MSRA: variants seen among roughly 807,000 people sequenced by gnomAD.
MSRA encodes mitochondrial peptide methionine sulfoxide reductase.
In MSRA, 54 loss-of-function variants were observed where a neutral mutation model predicts 31.3. That is an observed-to-expected ratio of 1.73 (90% CI 1.39 to 2.17). MSRA has a LOEUF of 2.17. Among genes scored for constraint, MSRA ranks in the 30% most tolerant of loss-of-function variants. The pLI is 0.00. For missense variants in MSRA, 507 were observed against 300.9 expected (o/e 1.69, Z -5.07); for synonymous variants, 169 against 116.5 (o/e 1.45, Z -2.90).
intron 1 of MSRA, among the ~76,000 whole-genome samples, chr8:10,135,326 A>G (rs188884977): frequency 5.8e-4 from 89 of 152,304 alleles, no homozygotes; most frequent in Non-Finnish European, 1.5e-4. Flanking sequence ...CTAAATCTCT[A>G]AGGTGACAAA....
chr8:10,065,141 G>A (rs1797394979), intron 1 of MSRA, among the ~76,000 whole-genome samples: 1 of 152,086 alleles, frequency 6.6e-6, no homozygotes, highest in Non-Finnish European at 1.5e-5. Context: ...TGGGGTGTCT[G>A]GCTTACCATT....
chr8:10,229,028 C>G (rs1432951564), intron 2 of MSRA, among the ~76,000 whole-genome samples: 2 of 152,164 alleles, frequency 1.3e-5, no homozygotes, highest in Admixed American at 6.5e-5. Context: ...GATCTTGATT[C>G]TCTTTATCAT....
intron 1 of MSRA, among the ~76,000 whole-genome samples, chr8:10,169,047 C>T (rs992620465): frequency 1.3e-5 from 2 of 152,156 alleles, no homozygotes; most frequent in African/African-American, 2.4e-5. Context: ...ATGATTTTCC[C>T]CATAACCTTC....
intron 1 of MSRA, among the ~76,000 whole-genome samples, chr8:10,166,013 C>T (rs1007650664): frequency 1.2e-4 from 18 of 152,238 alleles, no homozygotes; most frequent in Admixed American, 7.9e-4. Context: ...ACATCTGTGT[C>T]CAGTGCACAA....
At chr8:10,126,943 C>T (rs192861092) in intron 1 of MSRA, among the ~76,000 whole-genome samples, 41 of 152,312 alleles carry the variant, frequency 2.7e-4, no homozygotes, top group South Asian at 2.1e-4. Context: ...CAGTAGTGCT[C>T]GCTCACCTGC....
chr8:10,243,002 A>T (rs1278653556), intron 2 of MSRA, among the ~76,000 whole-genome samples: 1 of 152,126 alleles, frequency 6.6e-6, no homozygotes, highest in African/African-American at 2.4e-5. Flanking sequence ...ATTAAGCATT[A>T]AAAGGGGATT....
chr8:10,137,699 G>A (rs1290745268), intron 1 of MSRA, among the ~76,000 whole-genome samples: 4 of 152,106 alleles, frequency 2.6e-5, no homozygotes, highest in Admixed American at 2.6e-4. Flanking sequence ...TGCACAAAGT[G>A]GGCAGTGGGA....
intron 1 of MSRA, among the ~76,000 whole-genome samples, chr8:10,102,309 A>C (rs578149532): frequency 1.3e-5 from 2 of 152,258 alleles, no homozygotes; most frequent in African/African-American, 4.8e-5. Context: ...AGTGCTTGAT[A>C]CTGATTATTT....
intron 5 of MSRA, among the ~76,000 whole-genome samples, chr8:10,422,329 C>G (rs1398433842): frequency 6.6e-6 from 1 of 152,164 alleles, no homozygotes; most frequent in Non-Finnish European, 1.5e-5. Context: ...TTTCTGTGCC[C>G]TCTCTGCATT....
intron 2 of MSRA, among the ~76,000 whole-genome samples, chr8:10,226,479 G>C (rs1409012480): frequency 6.6e-6 from 1 of 152,166 alleles, no homozygotes. Context: ...TTGAGCTAGA[G>C]CTGAGATCAT....
intron 2 of MSRA, among the ~76,000 whole-genome samples, chr8:10,232,437 A>G (rs1461102236): frequency 6.6e-6 from 1 of 152,178 alleles, no homozygotes; most frequent in East Asian, 1.9e-4. Flanking sequence ...GCCCTAGCCA[A>G]TTTATGTAGT....
intron 5 of MSRA, 148 bp from the exon 6 acceptor site, chr8:10,428,000 G>A: frequency 1.4e-6 from 1 of 734,098 alleles, no homozygotes; most frequent in Non-Finnish European, 2.2e-6. Flanking sequence ...CACTCCACTT[G>A]GAATGCGGAG....
intron 3 of MSRA, among the ~76,000 whole-genome samples, chr8:10,299,378 AAAT>A (rs1800720642): frequency 6.6e-6 from 1 of 152,146 alleles, no homozygotes; most frequent in South Asian, 2.1e-4. Flanking sequence ...TCAAATTACA[AAAT>A]AATATGTTCT....
At chr8:10,062,418 C>T (rs1797249918) in intron 1 of MSRA, among the ~76,000 whole-genome samples, 2 of 152,190 alleles carry the variant, frequency 1.3e-5, no homozygotes, top group Non-Finnish European at 1.5e-5. Context: ...AGTTTGAGAG[C>T]ATCACAATAT....
At chr8:10,108,453 G>C (rs540175550) in intron 1 of MSRA, among the ~76,000 whole-genome samples, 10 of 152,294 alleles carry the variant, frequency 6.6e-5, no homozygotes, top group African/African-American at 2.4e-4. Flanking sequence ...CAGTCCTTGC[G>C]ATAGTCTGTG....
chr8:10,100,945 G>A (rs147373689), intron 1 of MSRA, among the ~76,000 whole-genome samples: 2 of 152,154 alleles, frequency 1.3e-5, no homozygotes, highest in East Asian at 3.9e-4. Flanking sequence ...TTTTATCCTT[G>A]TCTATCAATG....
intron 1 of MSRA, among the ~76,000 whole-genome samples, chr8:10,104,405 GT>G (rs1799740816): frequency 6.6e-6 from 1 of 152,164 alleles, no homozygotes; most frequent in Admixed American, 6.5e-5. Flanking sequence ...GTACAGCTTG[GT>G]TTTATACCTT....
chr8:10,383,253 A>G (rs1806185899), intron 5 of MSRA, among the ~76,000 whole-genome samples: 1 of 152,204 alleles, frequency 6.6e-6, no homozygotes, highest in Non-Finnish European at 1.5e-5. Context: ...GATGGGGGTC[A>G]CAGGTGGTGG....
chr8:10,133,131 G>C (rs893955140), intron 1 of MSRA, among the ~76,000 whole-genome samples: 16 of 152,178 alleles, frequency 1.1e-4, no homozygotes, highest in African/African-American at 3.9e-4. Context: ...TGGATCAATT[G>C]TTGATGAGGT....
Sources: allele counts gnomAD v4.1 joint callset (sites outside exome capture counted in the v4.1 genomes callset), GRCh38; gene constraint gnomAD v4.1.1; transcripts MANE v1.5; gene names NCBI Gene and HGNC (gene_info 2026-07-23, HGNC 2026-07-21).